G6PC2: variants seen among roughly 807,000 people sequenced by gnomAD.
The protein encoded by G6PC2 is glucose-6-phosphatase catalytic subunit 2.
A neutral mutation model predicts 35.4 loss-of-function variants in G6PC2; 41 were observed. The observed-to-expected ratio is 1.16, with a 90% confidence interval of 0.90 to 1.50. G6PC2 has a LOEUF of 1.50. Ranked by LOEUF, G6PC2 falls within the 40% of genes most tolerant of loss-of-function variation. The probability of loss-of-function intolerance (pLI) is 0.00; values close to 1 mark genes in which losing one functional copy is unlikely to be tolerated. For synonymous variants in G6PC2, 165 were observed against 153.2 expected, an observed-to-expected ratio of 1.08 and a Z score of -0.57; for missense variants, 441 against 426.5, an observed-to-expected ratio of 1.03 and a Z score of -0.30.
intron 3 of G6PC2, among the ~76,000 whole-genome samples, 157 bp downstream of exon 3, chr2:168,904,773 A>G (rs2105853289): frequency 1.3e-5 from 2 of 152,364 alleles, no homozygotes; most frequent in South Asian, 4.1e-4. Flanking sequence ...TAGAAAACTA[A>G]TATTTTGCTT....
Position 168,907,772 on chromosome 2 carries a change from C to T in G6PC2, c.761C>T (p.Thr254Met), listed in dbSNP as rs752588930. Residue 254 changes from threonine to methionine, a missense_variant, in exon 5 of 5, where the codon ACG becomes ATG. By Grantham distance (81) the Thr-to-Met change is moderately conservative. Coordinates refer to ENST00000375363, the MANE Select transcript of G6PC2 (RefSeq NM_021176.3). ...CCCGACTGGATCCACATTGACACCA[C>T]GCCTTTTGCTGGACTCGTGAGAAAC... ...ANPDWIHIDTTPFAGLVRNLG... is the reference protein window; with the variant it reads ...ANPDWIHIDTMPFAGLVRNLG... 7.4e-6 allele frequency: 12 copies of T among 1,614,074 alleles called. No individual in the cohort carries two copies. The African/African-American group carries it at 9.3e-5, about 13-fold the overall frequency.
chr2:168,904,911 A>G (rs1280432644), intron 3 of G6PC2, among the ~76,000 whole-genome samples: 1 of 152,240 alleles, frequency 6.6e-6, no homozygotes, highest in Non-Finnish European at 1.5e-5. Flanking sequence ...TAACTCATAA[A>G]TAAGTCGTCT....
Position 168,908,333 on chromosome 2 carries a change from G to A in G6PC2, c.*254G>A. On this transcript the variant is annotated 3_prime_UTR_variant, in exon 5 of 5. Transcript: ENST00000375363. ...TCTGTATTTCTTGAAAAATCTGATA[G>A]TATGACAACACAGAGCCTGCATCCC... 3 of 556,772 alleles carry A rather than the reference G, an allele frequency of 5.4e-6. No homozygotes were observed. The highest frequency in any genetic ancestry group is 9.6e-6 in the Non-Finnish European group (3 of 312,452). 34.5% of individuals were successfully genotyped at this position (556,772 alleles called of 1,614,324 possible).
In G6PC2 at chr2:168,907,943, A is replaced by G. The variant is rs373196602; in HGVS notation, c.932A>G (p.Gln311Arg). ...LTILQLYHFL[Q>R]IPTHEEHLFY... ...ATACTGCAGCTCTACCATTTCCTCC[A>G]GATCCCGACTCACGAAGAGCATTTA... The change falls in exon 5 of 5, where the codon CAG becomes CGG. Residue 311 changes from glutamine (Q) to arginine (R), a missense_variant. By Grantham distance (43) the Gln-to-Arg change is conservative. Transcript: ENST00000375363. 42 of 1,614,062 alleles carry G rather than the reference A, an allele frequency of 2.6e-5. No homozygotes were observed. The highest frequency in any genetic ancestry group is 3.6e-5 in the Non-Finnish European group (42 of 1,179,994).
In G6PC2 at chr2:168,909,510, T is replaced by C. The variant is rs1690803843; in HGVS notation, c.*1431T>C. ...CATCTGTTAGCTGGATTAGTCTCTATGTATACTGAACTGTGATGAAAATCT... is the reference window on the plus strand; with the variant it reads ...CATCTGTTAGCTGGATTAGTCTCTACGTATACTGAACTGTGATGAAAATCT... On this transcript the variant is annotated 3_prime_UTR_variant, in exon 5 of 5. Transcript: ENST00000375363. The C allele has an allele frequency of 6.6e-6, 1 of 152,244 alleles. No individual in the cohort carries two copies. Among genetic ancestry groups the C allele is most frequent in the South Asian group, 2.1e-4 (1 of 4,832 alleles). 9.4% of individuals were successfully genotyped at this position (152,244 alleles called of 1,614,324 possible).
rs2232329 is a variant in G6PC2, at chr2:168,908,106, G to A, written c.*27G>A. The A allele has an allele frequency of 0.012, 18,525 of 1,591,418 alleles. 140 individuals carry two copies. The highest frequency in any genetic ancestry group is 0.014 in the Non-Finnish European group (16,513 of 1,160,636). ...GTGGTGCCTAGAGTTAGTGCTCTGT[G>A]TCACAGATCACCCTTCTCCATCCAC... On this transcript the variant is annotated 3_prime_UTR_variant, in exon 5 of 5. Coordinates refer to ENST00000375363, the MANE Select transcript of G6PC2 (RefSeq NM_021176.3).
At chr2:168,902,219 GC>G (rs969543467) in intron 1 of G6PC2, among the ~76,000 whole-genome samples, 1 of 152,124 alleles carries the variant, frequency 6.6e-6, no homozygotes, top group African/African-American at 2.4e-5. Flanking sequence ...AGGGAAAAAA[GC>G]CCCCATGTTC....
chr2:168,902,645 G>A (rs1008550695), intron 2 of G6PC2, 91 bp downstream of exon 2: 1 of 761,550 alleles, frequency 1.3e-6, no homozygotes, highest in Non-Finnish European at 2.4e-6. Context: ...TATTATATAG[G>A]GTAGTAAAGA....
Position 168,907,746 on chromosome 2 carries a change from C to A in G6PC2, c.735C>A (p.Asn245Lys). Reference sequence around the variant, plus strand: ...CCATAGCCAAAAAGTGGTGTGCTAACCCCGACTGGATCCACATTGACACCA... The same window carrying A: ...CCATAGCCAAAAAGTGGTGTGCTAAACCCGACTGGATCCACATTGACACCA... Reference protein sequence around the residue: ...SVPIAKKWCANPDWIHIDTTP... With the variant: ...SVPIAKKWCAKPDWIHIDTTP... Residue 245 changes from asparagine to lysine, a missense_variant, in exon 5 of 5, where the codon AAC (asparagine) becomes AAA (lysine). By Grantham distance (94) the Asn-to-Lys change is moderately conservative. Coordinates refer to ENST00000375363, the MANE Select transcript of G6PC2 (RefSeq NM_021176.3). 2 of 1,614,106 alleles carry A rather than the reference C, an allele frequency of 1.2e-6. No homozygotes were observed. The highest frequency in any genetic ancestry group is 1.7e-6 in the Non-Finnish European group (2 of 1,179,980).
chr2:168,904,453 T>C, intron 2 of G6PC2, 52 bp from the exon 3 acceptor site: 1 of 905,492 alleles, frequency 1.1e-6, no homozygotes, highest in South Asian at 1.3e-5. Flanking sequence ...TATTCATTTC[T>C]GATCTTGATA....
intron 2 of G6PC2, chr2:168,902,825 G>A (rs1351457854): frequency 2.1e-6 from 1 of 472,272 alleles, no homozygotes; most frequent in Admixed American, 3.5e-5. Context: ...AGAATATAAT[G>A]ACTTGATACT....
In G6PC2 at chr2:168,908,061, C is replaced by A. The variant is rs754077966; in HGVS notation, c.1050C>A (p.Ser350Arg). 2 of 1,612,846 alleles carry A rather than the reference C, an allele frequency of 1.2e-6. No individual in the cohort carries two copies. Among genetic ancestry groups the A allele is most frequent in the Non-Finnish European group, 1.7e-6 (2 of 1,179,380 alleles). The stretch of plus-strand genomic sequence containing the variant: ...CTGTTCATATGTTAATGAAACAAAG[C>A]GGAAAGAAGAGTCAGTAGAGTGGTG... The part of the protein sequence containing the change: ...PYSVHMLMKQ[S>R]GKKSQ The change falls in exon 5 of 5, where the codon AGC becomes AGA. Residue 350 changes from serine (S) to arginine (R), a missense_variant. Coordinates refer to ENST00000375363, the MANE Select transcript of G6PC2 (RefSeq NM_021176.3).
At chr2:168,902,153 C>A (rs1409725922) in intron 1 of G6PC2, among the ~76,000 whole-genome samples, 1 of 152,144 alleles carries the variant, frequency 6.6e-6, no homozygotes, top group Non-Finnish European at 1.5e-5. Flanking sequence ...ATTCTAGGGA[C>A]AAATTTTGAT....
In G6PC2 at chr2:168,908,219, T is replaced by C; in HGVS notation, c.*140T>C. On this transcript the variant is annotated 3_prime_UTR_variant, in exon 5 of 5. Transcript: ENST00000375363. Reference sequence around the variant, plus strand: ...ACAGGCCCCATTCCCCATAGAGATGTTTAGTTTGGCCTTCGCACTGGTCTT... The same window carrying C: ...ACAGGCCCCATTCCCCATAGAGATGCTTAGTTTGGCCTTCGCACTGGTCTT... The C allele has an allele frequency of 1.4e-6, 1 of 738,336 alleles. No individual in the cohort carries two copies. The highest frequency in any genetic ancestry group is 2.5e-5 in the East Asian group (1 of 40,180). 45.7% of individuals were successfully genotyped at this position (738,336 alleles called of 1,614,324 possible).
rs549543851 is a variant in G6PC2 at position 168,907,890 on chromosome 2, G to T, written c.879G>T (p.Arg293=). ...GAAATAACTACACACTGAGCTTCCG[G>T]TTGCTCTGTGCCTTGACCTCATTGA... ...RGGNNYTLSF[R]LLCALTSLTI... is the part of the protein sequence containing the mutation. Residue 293 remains arginine (R), a synonymous_variant, in exon 5 of 5, where the codon CGG becomes CGT. Transcript: ENST00000375363. 7 of 1,613,986 alleles carry T rather than the reference G, an allele frequency of 4.3e-6. No homozygotes were observed. Among genetic ancestry groups the T allele is most frequent in the Middle Eastern group, 1.6e-4 (1 of 6,062 alleles).
At chr2:168,901,860 C>G (rs1690603355) in intron 1 of G6PC2, among the ~76,000 whole-genome samples, 1 of 151,962 alleles carries the variant, frequency 6.6e-6, no homozygotes, top group South Asian at 2.1e-4. Context: ...CCTCAGCCTC[C>G]CGAGTAGCTG....
Position 168,901,737 on chromosome 2 carries a change from G to GTT in G6PC2, c.218+203_218+204dup, listed in dbSNP as rs34174689. Among the ~76,000 whole-genome samples the GTT allele has an allele frequency of 4.7e-3, 617 of 130,450 alleles. 1 individual carries two copies. Among genetic ancestry groups the GTT allele is most frequent in the Middle Eastern group, 0.019 (5 of 258 alleles). 85.6% of individuals were successfully genotyped at this position (130,450 alleles called of 152,430 possible). A position where few individuals can be genotyped will look rare whatever the true frequency, so the allele number is the denominator to read the frequency against. On this transcript the variant is annotated intron_variant, in intron 1 of 4. Coordinates refer to ENST00000375363, the MANE Select transcript of G6PC2 (RefSeq NM_021176.3). The stretch of plus-strand genomic sequence containing the variant: ...CACAGAAATGTATATATATGTTTTT[G>GTT]TTTTTTTTTTTTTTTTGAGACAGAG...
rs1690753795 is a variant in G6PC2 at position 168,907,952 on chromosome 2, C to G, written c.941C>G (p.Thr314Ser). 1 of 1,614,124 alleles carries G rather than the reference C, an allele frequency of 6.2e-7. No individual in the cohort carries two copies. Among genetic ancestry groups the G allele is most frequent in the African/African-American group, 1.3e-5 (1 of 75,050 alleles). ...CTCTACCATTTCCTCCAGATCCCGA[C>G]TCACGAAGAGCATTTATTTTATGTG... ...LQLYHFLQIP[T>S]HEEHLFYVLS... Residue 314 changes from threonine to serine, a missense_variant, in exon 5 of 5, where the codon ACT (threonine) becomes AGT (serine). Physicochemically the swap from Thr to Ser is moderately conservative, Grantham distance 58. Coordinates refer to ENST00000375363, the MANE Select transcript of G6PC2 (RefSeq NM_021176.3).
intron 4 of G6PC2, 86 bp downstream of exon 4, chr2:168,906,865 C>G: frequency 1.2e-6 from 1 of 805,878 alleles, no homozygotes. Flanking sequence ...CCCCGGTAAT[C>G]AACTTTCCAA....
Sources: allele counts gnomAD v4.1 joint callset (sites outside exome capture counted in the v4.1 genomes callset), GRCh38; gene constraint gnomAD v4.1.1; transcripts MANE v1.5; gene names NCBI Gene and HGNC (gene_info 2026-07-23, HGNC 2026-07-21).